The following ZNF544 variants were observed in gnomAD, a reference collection of about 807,000 sequenced individuals.
ZNF544 encodes the protein zinc finger protein 544, also known as zinc finger protein AF020591.
A neutral mutation model predicts 13.5 loss-of-function variants in ZNF544; 10 were observed. That is an observed-to-expected ratio of 0.74 (90% CI 0.46 to 1.25). The LOEUF (loss-of-function observed/expected upper bound fraction) is 1.25, where lower values mean the gene tolerates loss of function less well. ZNF544 is among the 50% of genes most tolerant of loss of function. The pLI is 0.00. For missense variants in ZNF544, 896 were observed against 845.6 expected (o/e 1.06, Z -0.74); for synonymous variants, 323 against 300.5 (o/e 1.07, Z -0.77).
intron 4 of ZNF544, among the ~76,000 whole-genome samples, chr19:58,245,020 C>T (rs1220424696): frequency 6.6e-6 from 1 of 151,990 alleles, no homozygotes; most frequent in Non-Finnish European, 1.5e-5. Flanking sequence ...ACAATCTCAG[C>T]TCACTGCAAC....
At chr19:58,241,144 A>AAAATATATATATATTTTAATAT (rs1555755486) in intron 3 of ZNF544, among the ~76,000 whole-genome samples, 13 of 73,752 alleles carry the variant, frequency 1.8e-4, no homozygotes, top group Admixed American at 7.3e-4. Flanking sequence ...GCCAATTTAA[A>AAAATATATATATATTTTAATAT]ATATATATAT....
intron 5 of ZNF544, among the ~76,000 whole-genome samples, chr19:58,270,381 A>T (rs1910219165): frequency 6.7e-6 from 1 of 148,328 alleles, no homozygotes; most frequent in Admixed American, 6.9e-5. Flanking sequence ...GGCTCACTGT[A>T]ACCTCCGCCT....
At chr19:58,240,649 C>T (rs927815089) in intron 3 of ZNF544, among the ~76,000 whole-genome samples, 3 of 151,920 alleles carry the variant, frequency 2.0e-5, no homozygotes, top group Non-Finnish European at 4.4e-5. Context: ...GTGATCCCAG[C>T]TACTCAAGAG....
chr19:58,258,557 A>G (rs1455685069), intron 6 of ZNF544: 85 of 35,742 alleles, frequency 2.4e-3, no homozygotes, highest in African/African-American at 5.6e-3. Context: ...TGAGGGCACC[A>G]GGTGTGAGGG....
At chr19:58,254,362 T>C (rs2147345243) in intron 6 of ZNF544, among the ~76,000 whole-genome samples, 1 of 152,298 alleles carries the variant, frequency 6.6e-6, no homozygotes, top group East Asian at 1.9e-4. Context: ...GTTTCCTCCT[T>C]AGATTATCAG....
downstream of ZNF544, among the ~76,000 whole-genome samples, chr19:58,265,000 G>C (rs531828056): frequency 7.2e-5 from 11 of 152,280 alleles, no homozygotes; most frequent in South Asian, 2.3e-3. Context: ...AGGCACCAGA[G>C]CAACACTGTG....
intron 3 of ZNF544, among the ~76,000 whole-genome samples, chr19:58,235,870 G>C (rs924133544): frequency 6.6e-6 from 1 of 151,466 alleles, no homozygotes; most frequent in Non-Finnish European, 1.5e-5. Flanking sequence ...AGACCAGCCT[G>C]ACCAACATGG....
In ZNF544 at chr19:58,262,166, T is replaced by A. The variant is rs1262064870; in HGVS notation, c.1560T>A (p.Tyr520Ter). Residue 520 changes from tyrosine to a stop codon, truncating the protein, a stop_gained, in exon 7 of 7, where the codon TAT (tyrosine) becomes TAA (stop). Transcript: ENST00000687789. LOFTEE classifies it low-confidence loss of function (END_TRUNC). ...GGACACACACTGGAGAGAAGCCCTA[T>A]GAGTGCAACCTGTGTGGGAAATCCT... ...HQRTHTGEKP[Y>*]ECNLCGKSFS... The A allele has an allele frequency of 1.2e-6, 2 of 1,613,512 alleles. No individual in the cohort carries two copies. Among genetic ancestry groups the A allele is most frequent in the African/African-American group, 2.7e-5 (2 of 74,688 alleles).
chr19:58,238,367 G>A (rs1287748364), intron 3 of ZNF544, among the ~76,000 whole-genome samples: 1 of 152,134 alleles, frequency 6.6e-6, no homozygotes, highest in Non-Finnish European at 1.5e-5. Flanking sequence ...CGGCTTCCTG[G>A]GAGAGAGGAG....
intron 5 of ZNF544, among the ~76,000 whole-genome samples, chr19:58,275,961 G>A (rs757626328): frequency 4.4e-4 from 67 of 151,914 alleles, no homozygotes; most frequent in Non-Finnish European, 8.8e-4. Flanking sequence ...AGGCAGATAA[G>A]ATTGCTTTGA....
chr19:58,256,970 G>A (rs1333579700), intron 6 of ZNF544, among the ~76,000 whole-genome samples: 14 of 152,214 alleles, frequency 9.2e-5, no homozygotes, highest in Admixed American at 9.2e-4. Context: ...TGCCCAAGCT[G>A]GAGTGCAGTG....
chr19:58,231,738 ATC>A (rs1385030520), intron 3 of ZNF544: 4 of 152,158 alleles, frequency 2.6e-5, no homozygotes, highest in African/African-American at 9.7e-5. Flanking sequence ...ATTGTGAACT[ATC>A]TGTTTGTGAC....
At chr19:58,260,638 CTTCT>C (rs2048714444) in intron 6 of ZNF544, 8 of 508,254 alleles carry the variant, frequency 1.6e-5, no homozygotes, top group Non-Finnish European at 2.4e-5. Context: ...TACTTAGTCA[CTTCT>C]TTATTATGTT....
intron 3 of ZNF544, among the ~76,000 whole-genome samples, chr19:58,240,094 G>T (rs953326424): frequency 6.6e-6 from 1 of 152,034 alleles, no homozygotes; most frequent in African/African-American, 2.4e-5. Context: ...GATGTGTTAT[G>T]TAGGCATGGA....
At chr19:58,272,343 A>G (rs533442822) in intron 5 of ZNF544, among the ~76,000 whole-genome samples, 2 of 152,142 alleles carry the variant, frequency 1.3e-5, no homozygotes, top group South Asian at 2.1e-4. Flanking sequence ...GGAAGGATCA[A>G]CTGAGGCCGT....
chr19:58,246,907 G>T, intron 6 of ZNF544, 113 bp downstream of exon 6: 1 of 947,380 alleles, frequency 1.1e-6, no homozygotes, highest in South Asian at 1.6e-5. Flanking sequence ...AGCCTCCTTG[G>T]GTGCTCTTTG....
At chr19:58,246,990 G>A (rs370667044) in intron 6 of ZNF544, among the ~76,000 whole-genome samples, 196 bp downstream of exon 6, 18 of 152,318 alleles carry the variant, frequency 1.2e-4, no homozygotes, top group African/African-American at 4.3e-4. Context: ...TCTTCCCTGA[G>A]TGTGGAACCC....
intron 3 of ZNF544, among the ~76,000 whole-genome samples, chr19:58,240,892 A>G (rs1238229187): frequency 6.6e-6 from 1 of 151,372 alleles, no homozygotes; most frequent in Non-Finnish European, 1.5e-5. Flanking sequence ...TTTAGCATTT[A>G]CCTTTTTGGG....
At position 58,275,525 on chromosome 19, in the gene ZNF544, A is replaced by G. The variant is rs114007810; in HGVS notation, c.245-798A>G. Among the ~76,000 whole-genome samples the G allele has an allele frequency of 3.9e-3, 588 of 151,934 alleles. 2 individuals are homozygous for G. Among genetic ancestry groups the G allele is most frequent in the African/African-American group, 0.014 (563 of 41,436 alleles). On this transcript the variant is annotated intron_variant, in intron 5 of 6. Transcript: ENST00000595981. ...AGATAAACAAGAACTAGAAAAGAAA[A>G]AAAAAATAGGCTGGGCACCGTTTTT...
Sources: gnomAD v4.1 joint callset for allele counts (sites outside exome capture counted in the v4.1 genomes callset) on GRCh38, gnomAD v4.1.1 for gene constraint, MANE v1.5 for transcripts, NCBI Gene and HGNC (gene_info 2026-07-23, HGNC 2026-07-21) for gene names.